The following PCSK5 variants were observed in gnomAD, a reference collection of about 807,000 sequenced individuals.
PCSK5 encodes the protein prohormone convertase 5.
In PCSK5, 129 loss-of-function variants were observed where a neutral mutation model predicts 233.2. That is an observed-to-expected ratio of 0.55 (90% CI 0.48 to 0.64). PCSK5 has a LOEUF of 0.64. Among genes scored for constraint, PCSK5 ranks in the 30% least tolerant of loss-of-function variants. The pLI, the probability that PCSK5 is intolerant of heterozygous loss-of-function variation, is 0.00. For missense variants in PCSK5, 2,076 were observed against 2,430.1 expected (o/e 0.85, Z 3.06); for synonymous variants, 825 against 879.2 (o/e 0.94, Z 1.09).
At chr9:76,204,818 ATGTTGG>A (rs1165048981) in intron 20 of PCSK5, among the ~76,000 whole-genome samples, 2 of 152,166 alleles carry the variant, frequency 1.3e-5, no homozygotes, top group Admixed American at 1.3e-4. Flanking sequence ...GACAAATAAG[ATGTTGG>A]TGCTTCTTTT....
At chr9:75,995,554 A>G (rs908562211) in intron 3 of PCSK5, among the ~76,000 whole-genome samples, 5 of 152,098 alleles carry the variant, frequency 3.3e-5, no homozygotes, top group African/African-American at 9.7e-5. Flanking sequence ...TTTTTCTGAT[A>G]TCTTGAATTG....
At chr9:75,972,082 C>G (rs182345275) in intron 2 of PCSK5, among the ~76,000 whole-genome samples, 63 of 152,276 alleles carry the variant, frequency 4.1e-4, no homozygotes, top group Admixed American at 1.6e-3. Context: ...GGTCCAGTTT[C>G]AATTTTCTGC....
intron 2 of PCSK5, among the ~76,000 whole-genome samples, chr9:75,942,946 G>A (rs1587396452): frequency 1.4e-5 from 2 of 146,420 alleles, no homozygotes; most frequent in African/African-American, 2.5e-5. Context: ...GAGCAGTGGC[G>A]CGATCTTGGC....
chr9:76,335,369 G>A (rs1829649908), intron 34 of PCSK5, among the ~76,000 whole-genome samples: 2 of 152,152 alleles, frequency 1.3e-5, no homozygotes, highest in Admixed American at 1.3e-4. Context: ...ATATTCATGA[G>A]GTATATGAGA....
At chr9:76,009,584 AC>A (rs1827636747) in intron 3 of PCSK5, among the ~76,000 whole-genome samples, 1 of 151,140 alleles carries the variant, frequency 6.6e-6, no homozygotes, top group East Asian at 1.9e-4. Flanking sequence ...CCGAGATCAC[AC>A]CACTGCACTC....
chr9:76,234,612 T>C (rs575881902), intron 22 of PCSK5, among the ~76,000 whole-genome samples: 1 of 152,226 alleles, frequency 6.6e-6, no homozygotes, highest in Non-Finnish European at 1.5e-5. Flanking sequence ...ATGACAAATA[T>C]CTGTCATATT....
At chr9:76,183,475 AACTTCTCAAG>A (rs764756210) in intron 16 of PCSK5, among the ~76,000 whole-genome samples, 7 of 152,212 alleles carry the variant, frequency 4.6e-5, no homozygotes, top group Non-Finnish European at 8.8e-5. Context: ...AATTTTATTT[AACTTCTCAAG>A]ACAACCAGAG....
At chr9:76,242,398 T>G (rs1320913397) in intron 24 of PCSK5, among the ~76,000 whole-genome samples, 1 of 152,172 alleles carries the variant, frequency 6.6e-6, no homozygotes, top group Non-Finnish European at 1.5e-5. Flanking sequence ...TTAAATACCA[T>G]TGCCCCATTA....
intron 14 of PCSK5, among the ~76,000 whole-genome samples, chr9:76,179,234 A>G (rs1262372253): frequency 2.0e-5 from 3 of 152,240 alleles, no homozygotes; most frequent in African/African-American, 7.2e-5. Flanking sequence ...CTTTTCTACA[A>G]ATCCAATCTT....
chr9:76,046,271 G>A (rs1435146247), intron 5 of PCSK5, among the ~76,000 whole-genome samples: 1 of 134,606 alleles, frequency 7.4e-6, no homozygotes, highest in Non-Finnish European at 1.5e-5. Flanking sequence ...TCTGCCTCCC[G>A]GGTTCAAGCG....
intron 7 of PCSK5, among the ~76,000 whole-genome samples, chr9:76,093,872 T>C (rs1216405188): frequency 1.3e-5 from 2 of 152,200 alleles, no homozygotes; most frequent in Admixed American, 6.5e-5. Context: ...CTGTAGTTTC[T>C]CAGTCTGACC....
chr9:76,102,256 C>T (rs1055927930), intron 8 of PCSK5, among the ~76,000 whole-genome samples: 4 of 152,000 alleles, frequency 2.6e-5, no homozygotes, highest in African/African-American at 9.7e-5. Context: ...GCTGTTTGTC[C>T]TTGGGCAAGT....
chr9:76,347,598 TA>T (rs1210660658), intron 35 of PCSK5, among the ~76,000 whole-genome samples: 1 of 152,112 alleles, frequency 6.6e-6, no homozygotes, highest in Non-Finnish European at 1.5e-5. Flanking sequence ...CTAGAAAATG[TA>T]ACCAAACTTG....
chr9:76,356,455 CA>C (rs1830306300), intron 37 of PCSK5, among the ~76,000 whole-genome samples: 1 of 152,204 alleles, frequency 6.6e-6, no homozygotes, highest in Admixed American at 6.5e-5. Context: ...CTGCATATGG[CA>C]CCCTAGTAAT....
At chr9:76,209,295 G>A (rs144947523) in intron 20 of PCSK5, among the ~76,000 whole-genome samples, 102 of 152,268 alleles carry the variant, frequency 6.7e-4, no homozygotes, top group African/African-American at 1.9e-3. Context: ...TGCAACCTGC[G>A]TTCCTATCGC....
At chr9:76,014,868 T>G (rs1393386823) in intron 3 of PCSK5, among the ~76,000 whole-genome samples, 3 of 152,232 alleles carry the variant, frequency 2.0e-5, no homozygotes, top group Admixed American at 1.3e-4. Flanking sequence ...AGATGAAGAT[T>G]TCTAGATCTT....
chr9:76,137,725 G>A (rs1823042687), intron 10 of PCSK5, among the ~76,000 whole-genome samples: 1 of 151,986 alleles, frequency 6.6e-6, no homozygotes, highest in Admixed American at 6.6e-5. Context: ...CATGAGAATA[G>A]GGAATTATTT....
At chr9:76,272,661 G>C (rs1028687068) in intron 24 of PCSK5, among the ~76,000 whole-genome samples, 3 of 149,772 alleles carry the variant, frequency 2.0e-5, no homozygotes, top group Non-Finnish European at 4.4e-5. Flanking sequence ...TGTAGTCCTA[G>C]CTACTCGGGA....
chr9:76,072,024 G>A, intron 7 of PCSK5, 126 bp downstream of exon 7: 2 of 827,042 alleles, frequency 2.4e-6, no homozygotes, highest in Non-Finnish European at 3.7e-6. Context: ...CCAGCAGGTA[G>A]GCTAATGGAA....
Sources: allele counts gnomAD v4.1 joint callset (sites outside exome capture counted in the v4.1 genomes callset), GRCh38; gene constraint gnomAD v4.1.1; transcripts MANE v1.5; gene names NCBI Gene and HGNC (gene_info 2026-07-23, HGNC 2026-07-21).